PIP5K1A: variants seen among roughly 807,000 people sequenced by gnomAD.
The protein encoded by PIP5K1A is phosphatidylinositol-4-phosphate 5-kinase type 1 alpha.
Under a neutral mutation model 72.9 loss-of-function variants are expected in PIP5K1A, and 46 were observed. The observed-to-expected ratio is 0.63, with a 90% CI of 0.50 to 0.81. The LOEUF (loss-of-function observed/expected upper bound fraction) is 0.81, where lower values mean the gene tolerates loss of function less well. Among genes scored for constraint, PIP5K1A ranks in the 30% least tolerant of loss-of-function variants. The probability of loss-of-function intolerance (pLI) is 0.00; values close to 1 mark genes in which losing one functional copy is unlikely to be tolerated. For synonymous variants in PIP5K1A, 228 were observed against 255.1 expected (o/e 0.89, Z 1.01); for missense variants, 458 against 706.1 (o/e 0.65, Z 3.98).
chr1:151,198,877 C>CG lies in PIP5K1A; in HGVS notation c.-116dup. 1.1e-6 allele frequency: 1 copy of CG among 940,594 alleles called. No individual in the cohort carries two copies. Among genetic ancestry groups the CG allele is most frequent in the Non-Finnish European group, 1.7e-6 (1 of 598,056 alleles). 58.3% of individuals were successfully genotyped at this position (940,594 alleles called of 1,614,324 possible). ...TGTCTGAGGGAGGCCCCGGAGGGGG[C>CG]GGGGAGGTGGCCCACAGAACGCGGG... On this transcript the variant is annotated 5_prime_UTR_variant, in exon 1 of 16. Transcript: ENST00000368888.
intron 4 of PIP5K1A, among the ~76,000 whole-genome samples, chr1:151,227,939 G>C (rs1689398667): frequency 6.6e-6 from 1 of 152,138 alleles, no homozygotes; most frequent in African/African-American, 2.4e-5. Flanking sequence ...CTATTTTACT[G>C]AGCTGAAGAA....
chr1:151,209,492 T>C (rs1334923581), intron 1 of PIP5K1A, among the ~76,000 whole-genome samples: 1 of 146,584 alleles, frequency 6.8e-6, no homozygotes, highest in Non-Finnish European at 1.5e-5. Flanking sequence ...CAGGCTGGAG[T>C]GCAATGGCAT....
intron 4 of PIP5K1A, among the ~76,000 whole-genome samples, chr1:151,229,052 C>A (rs1319080827): frequency 6.6e-6 from 1 of 150,448 alleles, no homozygotes; most frequent in Non-Finnish European, 1.5e-5. Flanking sequence ...TCTGTAATCC[C>A]AGCTACTCAG....
chr1:151,231,568 A>G, intron 4 of PIP5K1A, 103 bp from the exon 5 acceptor site: 1 of 969,138 alleles, frequency 1.0e-6, no homozygotes, highest in Non-Finnish European at 1.6e-6. Flanking sequence ...AGACTAAAGG[A>G]TGTTTGTTTT....
At position 151,215,666 on chromosome 1, in the gene PIP5K1A, C is replaced by T. The variant is rs752356887; in HGVS notation, c.86-8579C>T. Reference sequence around the variant, plus strand: ...TAAAAAAGTCTGGCTGCAGAGGAACCTTATACCTGAAATGTTTTGCTGTCT... The same window carrying T: ...TAAAAAAGTCTGGCTGCAGAGGAACTTTATACCTGAAATGTTTTGCTGTCT... On this transcript the variant is annotated intron_variant, in intron 1 of 15. Transcript: ENST00000368888. Among the ~76,000 whole-genome samples, 5 of 152,246 alleles carry T rather than the reference C, an allele frequency of 3.3e-5. No individual in the cohort carries two copies. In the South Asian group the frequency reaches 1.0e-3, roughly 32 times the overall value.
chr1:151,203,189 A>G (rs996263846), intron 1 of PIP5K1A, among the ~76,000 whole-genome samples: 45 of 152,164 alleles, frequency 3.0e-4, no homozygotes, highest in Admixed American at 2.4e-3. Context: ...CACTGCTCCT[A>G]TGAAATAAGA....
At chr1:151,216,917 T>G (rs922584159) in intron 1 of PIP5K1A, among the ~76,000 whole-genome samples, 1 of 16,136 alleles carries the variant, frequency 6.2e-5, no homozygotes, top group Non-Finnish European at 1.8e-4. Context: ...TTTTTTTTTT[T>G]TTTTTTTTTT....
intron 1 of PIP5K1A, among the ~76,000 whole-genome samples, chr1:151,203,780 C>T (rs1054446553): frequency 2.5e-4 from 37 of 149,954 alleles, no homozygotes; most frequent in Non-Finnish European, 4.0e-4. Flanking sequence ...GCTGAGATCA[C>T]GCCACTGTAC....
intron 10 of PIP5K1A, 174 bp downstream of exon 10, chr1:151,238,439 C>G (rs973223381): frequency 8.6e-6 from 5 of 584,242 alleles, no homozygotes; most frequent in East Asian, 3.0e-5. Context: ...TTGCCTCTTT[C>G]CCCGGCCTTT....
intron 1 of PIP5K1A, among the ~76,000 whole-genome samples, chr1:151,214,087 A>G (rs762262414): frequency 3.9e-5 from 6 of 152,120 alleles, no homozygotes; most frequent in Non-Finnish European, 8.8e-5. Flanking sequence ...CAATATATTG[A>G]CATCCATAAA....
chr1:151,208,928 T>C (rs1445910179), intron 1 of PIP5K1A, among the ~76,000 whole-genome samples: 1 of 151,058 alleles, frequency 6.6e-6, no homozygotes, highest in Non-Finnish European at 1.5e-5. Flanking sequence ...GTGGGGGTGT[T>C]TCACCGTGTT....
chr1:151,218,501 CTTTCTTGTT>C (rs1255505558), intron 1 of PIP5K1A, among the ~76,000 whole-genome samples: 4 of 152,040 alleles, frequency 2.6e-5, no homozygotes, highest in Non-Finnish European at 4.4e-5. Flanking sequence ...TCCATTGGTG[CTTTCTTGTT>C]CCAGCTGCTT....
intron 14 of PIP5K1A, among the ~76,000 whole-genome samples, chr1:151,242,982 G>T (rs1387777896): frequency 1.3e-5 from 2 of 152,152 alleles, no homozygotes; most frequent in Non-Finnish European, 2.9e-5. Flanking sequence ...ATGGCACCTG[G>T]GCTATCTGAC....
At chr1:151,199,517 G>A (rs1684909961) in intron 1 of PIP5K1A, among the ~76,000 whole-genome samples, 1 of 152,010 alleles carries the variant, frequency 6.6e-6, no homozygotes, top group Admixed American at 6.6e-5. Flanking sequence ...GGGAGGCTGA[G>A]GCAGGATAAT....
intron 1 of PIP5K1A, among the ~76,000 whole-genome samples, chr1:151,222,442 T>C (rs1481014371): frequency 6.6e-6 from 1 of 152,236 alleles, no homozygotes; most frequent in Non-Finnish European, 1.5e-5. Context: ...GTTTGTGTGA[T>C]AAAACTAGGA....
chr1:151,241,117 A>G lies in PIP5K1A; in HGVS notation c.1364-1006A>G, dbSNP rs151122605. Among the ~76,000 whole-genome samples, 692 of 151,994 alleles carry G rather than the reference A, an allele frequency of 4.6e-3. 7 individuals carry two copies. The highest frequency in any genetic ancestry group is 0.016 in the African/African-American group (657 of 41,460). ...GGCAGAGGTTGCAGTGAACTGAGAT[A>G]GTGCCATTGCACTCCAGCCTGGGTG... On this transcript the variant is annotated intron_variant, in intron 12 of 15. Transcript: ENST00000368888.
intron 1 of PIP5K1A, among the ~76,000 whole-genome samples, chr1:151,209,576 A>C (rs1686493206): frequency 6.6e-6 from 1 of 151,644 alleles, no homozygotes; most frequent in South Asian, 2.1e-4. Context: ...AGTAGCTGGG[A>C]TTACAGGTAT....
chr1:151,225,475 C>T (rs1454296431), intron 3 of PIP5K1A, among the ~76,000 whole-genome samples: 20 of 145,910 alleles, frequency 1.4e-4, no homozygotes, highest in African/African-American at 3.8e-4. Flanking sequence ...CCCTTCTTGC[C>T]TTTTTTTTTT....
At chr1:151,240,810 T>C (rs1487950508) in intron 12 of PIP5K1A, among the ~76,000 whole-genome samples, 1 of 152,108 alleles carries the variant, frequency 6.6e-6, no homozygotes, top group African/African-American at 2.4e-5. Flanking sequence ...GTGATAAAAA[T>C]TACAAGTATC....
Sources: gnomAD v4.1 joint callset for allele counts (sites outside exome capture counted in the v4.1 genomes callset) on GRCh38, gnomAD v4.1.1 for gene constraint, MANE v1.5 for transcripts, NCBI Gene and HGNC (gene_info 2026-07-23, HGNC 2026-07-21) for gene names.